MSRB3: variants seen among roughly 807,000 people sequenced by gnomAD.
MSRB3 encodes methionine sulfoxide reductase B3.
In MSRB3, 13 loss-of-function variants were observed where a neutral mutation model predicts 21.0. That is an observed-to-expected ratio of 0.62 (90% CI 0.40 to 0.98). MSRB3 has a LOEUF of 0.98. MSRB3 is among the 50% of genes least tolerant of loss of function. The pLI, the probability that MSRB3 is intolerant of heterozygous loss-of-function variation, is 0.00. For synonymous variants in MSRB3, 87 were observed against 88.6 expected (o/e 0.98, Z 0.10); for missense variants, 199 against 230.3 (o/e 0.86, Z 0.88).
intron 2 of MSRB3, among the ~76,000 whole-genome samples, chr12:65,309,211 T>C (rs1873838129): frequency 6.6e-6 from 1 of 152,236 alleles, no homozygotes; most frequent in Non-Finnish European, 1.5e-5. Context: ...CACTGTACTT[T>C]TTAAAAATGT....
intron 1 of MSRB3, among the ~76,000 whole-genome samples, chr12:65,306,366 G>A (rs1164404967): frequency 6.6e-6 from 1 of 152,180 alleles, no homozygotes; most frequent in Non-Finnish European, 1.5e-5. Flanking sequence ...AAGGCATCCA[G>A]ATGCATACAT....
rs1001036894 is a variant in MSRB3, at chr12:65,457,219, AT to A, written c.390+3398del. 4.0e-5 allele frequency among the ~76,000 whole-genome samples: 6 copies of A among 151,422 alleles called. 1 individual carries two copies. The highest frequency in any genetic ancestry group is 3.9e-4 in the Admixed American group (6 of 15,204). ...GAACTTCTCCCGTTTATTTTATTTT[AT>A]TTTATTATTTTTTATTATGCTTTAA... On this transcript the variant is annotated intron_variant, in intron 6 of 6. Transcript: ENST00000308259.
intron 5 of MSRB3, among the ~76,000 whole-genome samples, chr12:65,449,349 G>A (rs1258996173): frequency 1.3e-5 from 2 of 152,012 alleles, no homozygotes; most frequent in Admixed American, 6.6e-5. Context: ...ATTCTTGTTA[G>A]CAGGGGGACT....
intron 4 of MSRB3, among the ~76,000 whole-genome samples, chr12:65,367,943 A>C (rs746163003): frequency 2.0e-5 from 3 of 152,120 alleles, no homozygotes; most frequent in Non-Finnish European, 4.4e-5. Flanking sequence ...ACACACAATC[A>C]TACAATTATA....
intron 4 of MSRB3, among the ~76,000 whole-genome samples, chr12:65,342,154 A>G (rs1413856910): frequency 6.6e-6 from 1 of 151,838 alleles, no homozygotes; most frequent in Non-Finnish European, 1.5e-5. Context: ...GGATTGGACT[A>G]CTAAATATTT....
At chr12:65,291,825 G>A (rs2136396138) in intron 1 of MSRB3, among the ~76,000 whole-genome samples, 1 of 152,310 alleles carries the variant, frequency 6.6e-6, no homozygotes, top group South Asian at 2.1e-4. Flanking sequence ...AGATCATTAT[G>A]AGGAGTTTAG....
At chr12:65,350,423 C>G (rs944449018) in intron 4 of MSRB3, among the ~76,000 whole-genome samples, 2 of 151,286 alleles carry the variant, frequency 1.3e-5, no homozygotes, top group African/African-American at 4.9e-5. Flanking sequence ...AAATCACCAG[C>G]TAACATCATA....
intron 1 of MSRB3, chr12:65,286,302 A>G (rs1872344031): frequency 6.6e-6 from 1 of 152,194 alleles, no homozygotes; most frequent in Non-Finnish European, 1.5e-5. Context: ...GCCATAGCGG[A>G]AATTTTGGAA....
chr12:65,406,583 A>T lies in MSRB3; in HGVS notation c.292+37557A>T, dbSNP rs117964154. ...TAACATTTTTCACAGAAATAGAAAA[A>T]ATAACCTTAAAATTTATATGGAAGC... On this transcript the variant is annotated intron_variant, in intron 5 of 6. Coordinates refer to ENST00000308259, the MANE Select transcript of MSRB3 (RefSeq NM_001031679.3). 2.0e-3 allele frequency among the ~76,000 whole-genome samples: 299 copies of T among 152,330 alleles called. 3 individuals carry two copies. The East Asian group carries it at 0.036, about 18-fold the overall frequency.
intron 6 of MSRB3, among the ~76,000 whole-genome samples, chr12:65,454,672 T>G (rs2136704669): frequency 6.6e-6 from 1 of 152,336 alleles, no homozygotes; most frequent in East Asian, 1.9e-4. Context: ...AGGTAATTCC[T>G]TTTCTGCTTC....
rs1213348992 is a variant in MSRB3 at position 65,371,419 on chromosome 12, A to T, written c.292+2393A>T. ...CTATTGTGCATCAAATACAGAAAGTAAACTAGGTCTGTCTAATGTTGTATA... is the reference window on the plus strand; with the variant it reads ...CTATTGTGCATCAAATACAGAAAGTTAACTAGGTCTGTCTAATGTTGTATA... On this transcript the variant is annotated intron_variant, in intron 5 of 6. Transcript: ENST00000308259. 2.6e-5 allele frequency among the ~76,000 whole-genome samples: 4 copies of T among 152,000 alleles called. No individual in the cohort carries two copies. The East Asian group carries it at 7.7e-4, about 29-fold the overall frequency.
At chr12:65,301,610 C>T (rs1414173077) in intron 1 of MSRB3, among the ~76,000 whole-genome samples, 1 of 152,086 alleles carries the variant, frequency 6.6e-6, no homozygotes, top group Non-Finnish European at 1.5e-5. Flanking sequence ...CAGGATGTTA[C>T]AAAATCATGG....
intron 4 of MSRB3, among the ~76,000 whole-genome samples, chr12:65,353,405 G>C (rs1415982026): frequency 6.6e-6 from 1 of 152,116 alleles, no homozygotes; most frequent in Non-Finnish European, 1.5e-5. Flanking sequence ...GAATCTGGGT[G>C]CTCCTGTATT....
chr12:65,308,596 T>C lies in MSRB3; in HGVS notation c.17T>C (p.Leu6Pro). 6.2e-7 allele frequency: 1 copy of C among 1,613,988 alleles called. No individual in the cohort carries two copies. The highest frequency in any genetic ancestry group is 8.5e-7 in the Non-Finnish European group (1 of 1,179,874). Residue 6 changes from leucine (L) to proline (P), a missense_variant, in exon 2 of 7, where the codon CTG (leucine) becomes CCG (proline). Transcript: ENST00000308259. MSAFNLLHLVTKSQPV... is the reference protein window; with the variant it reads MSAFNPLHLVTKSQPV... Reference sequence around the variant, plus strand: ...ATCACAGTGATGTCTGCATTCAACCTGCTGCATTTGGTGACAAAGAGCCAG... The same window carrying C: ...ATCACAGTGATGTCTGCATTCAACCCGCTGCATTTGGTGACAAAGAGCCAG...
intron 5 of MSRB3, among the ~76,000 whole-genome samples, chr12:65,411,303 G>C (rs1486725368): frequency 6.6e-6 from 1 of 152,142 alleles, no homozygotes; most frequent in Admixed American, 6.5e-5. Context: ...AGAGGAATGG[G>C]AATGTGAGCC....
At chr12:65,293,708 T>C (rs1007427962) in intron 1 of MSRB3, among the ~76,000 whole-genome samples, 1 of 152,236 alleles carries the variant, frequency 6.6e-6, no homozygotes, top group Non-Finnish European at 1.5e-5. Context: ...TTGTTCATAA[T>C]GTCTTTTGCT....
chr12:65,419,768 C>T, intron 5 of MSRB3: 2 of 1,064,406 alleles, frequency 1.9e-6, no homozygotes, highest in Non-Finnish European at 2.9e-6. Context: ...TCAGGCTTTG[C>T]ATGGTCTCCT....
chr12:65,279,229 G>T, intron 1 of MSRB3: 4 of 351,826 alleles, frequency 1.1e-5, no homozygotes, highest in Non-Finnish European at 1.9e-5. Context: ...GGGAGGCAGG[G>T]GAGGGGTCCA....
At chr12:65,419,249 C>G (rs960185159) in intron 5 of MSRB3, 1 of 726,914 alleles carries the variant, frequency 1.4e-6, no homozygotes, top group African/African-American at 1.7e-5. Flanking sequence ...CGAGCCAGCT[C>G]GTCATATTGG....
Sources: gnomAD v4.1 joint callset for allele counts (sites outside exome capture counted in the v4.1 genomes callset) on GRCh38, gnomAD v4.1.1 for gene constraint, MANE v1.5 for transcripts, NCBI Gene and HGNC (gene_info 2026-07-23, HGNC 2026-07-21) for gene names.